CALHM6: variants seen among roughly 807,000 people sequenced by gnomAD.
CALHM6 encodes calcium homeostasis modulator protein 6.
In CALHM6, 15 loss-of-function variants were observed where a neutral mutation model predicts 12.7. The observed-to-expected ratio is 1.18, with a 90% CI of 0.79 to 1.82. The LOEUF (loss-of-function observed/expected upper bound fraction) is 1.82, where lower values mean the gene tolerates loss of function less well. CALHM6 is among the 40% of genes most tolerant of loss of function. CALHM6 has a pLI of 0.00. For missense variants in CALHM6, 434 were observed against 421.0 expected (o/e 1.03, Z -0.27); for synonymous variants, 212 against 193.7 (o/e 1.09, Z -0.78).
In CALHM6 at chr6:116,461,916, G is replaced by T; in HGVS notation, c.-14G>T. 1 of 1,486,294 alleles carries T rather than the reference G, an allele frequency of 6.7e-7. No individual in the cohort carries two copies. The highest frequency in any genetic ancestry group is 9.0e-7 in the Non-Finnish European group (1 of 1,111,214). The allele number at this position is 1,486,294 out of a possible 1,614,324, so 92.1% of individuals were successfully genotyped here. On this transcript the variant is annotated 5_prime_UTR_variant, in exon 2 of 3. Coordinates refer to ENST00000368605, the MANE Select transcript of CALHM6 (RefSeq NM_001010919.3). The stretch of plus-strand genomic sequence containing the variant: ...GATCTGGGCCTGTGCGCGACGCCCC[G>T]GGGGACGAGGCTCATGGAGAAGTTT...
In CALHM6 at chr6:116,463,306, AGTT is replaced by A. The variant is rs1180451381; in HGVS notation, c.553_555del (p.Val185del). The A allele has an allele frequency of 6.2e-7, 1 of 1,613,612 alleles. No individual in the cohort carries two copies. The highest frequency in any genetic ancestry group is 1.3e-5 in the African/African-American group (1 of 75,016). The stretch of plus-strand genomic sequence containing the variant: ...AGGTGTTGGGCTGGATCTTGATAGC[AGTT>A]GTTATCATCATTCTTCTGATTTTTA... On this transcript the variant is annotated inframe_deletion, in exon 3 of 3. Transcript: ENST00000368605.
intron 1 of CALHM6, 79 bp from the exon 2 acceptor site, chr6:116,461,793 A>T (rs1172031045): frequency 1.1e-4 from 51 of 464,002 alleles, no homozygotes; most frequent in East Asian, 3.4e-4. Context: ...TCTTCCCTTT[A>T]AAAAAAAAAA....
At chr6:116,462,576 G>C (rs991902366) in intron 2 of CALHM6, 122 bp downstream of exon 2, 1 of 585,598 alleles carries the variant, frequency 1.7e-6, no homozygotes, top group Non-Finnish European at 2.8e-6. Context: ...AGAAAATCTA[G>C]AATGGCTCCT....
rs1784787641 is a variant in CALHM6 at position 116,462,169 on chromosome 6, A to T, written c.240A>T (p.Gly80=). ...CACGCACGTGGCGCCTGCTCACCGG[A>T]TGCTGCTCCAGCGCCCGCGCGAGTT... is the stretch of plus-strand genomic sequence containing the variant. ...LSARTWRLLT[G]CCSSARASCG... is the part of the protein sequence containing the mutation. Residue 80 remains glycine (G), a synonymous_variant, in exon 2 of 3, where the codon GGA becomes GGT. Transcript: ENST00000368605. 1 of 1,521,260 alleles carries T rather than the reference A, an allele frequency of 6.6e-7. No homozygotes were observed. The allele number at this position is 1,521,260 out of a possible 1,614,324, so 94.2% of individuals were successfully genotyped here.
chr6:116,461,462 T>G, intron 1 of CALHM6, 33 bp downstream of exon 1: 10 of 1,544,866 alleles, frequency 6.5e-6, no homozygotes, highest in Non-Finnish European at 8.8e-6. Context: ...ATTATTTGGT[T>G]TTACTGTGAT....
At chr6:116,462,509 A>T in intron 2 of CALHM6, 55 bp downstream of exon 2, 1 of 1,335,124 alleles carries the variant, frequency 7.5e-7, no homozygotes, top group Middle Eastern at 1.9e-4. Flanking sequence ...GAGCTTTCTC[A>T]GGGCCGCTGG....
chr6:116,462,504 T>C, intron 2 of CALHM6, 50 bp downstream of exon 2: 2 of 1,361,588 alleles, frequency 1.5e-6, no homozygotes, highest in Non-Finnish European at 2.0e-6. Flanking sequence ...AGGCCGAGCT[T>C]TCTCAGGGCC....
At position 116,461,982 on chromosome 6, in the gene CALHM6, TGGGCTAC is replaced by T. The variant is rs1432767387; in HGVS notation, c.56_62del (p.Gly19AlafsTer3). 6.5e-7 allele frequency: 1 copy of T among 1,547,342 alleles called. No individual in the cohort carries two copies. Among genetic ancestry groups the T allele is most frequent in the African/African-American group, 1.4e-5 (1 of 72,736 alleles). On this transcript the variant is annotated frameshift_variant, in exon 2 of 3. Coordinates refer to ENST00000368605, the MANE Select transcript of CALHM6 (RefSeq NM_001010919.3). LOFTEE classifies it high-confidence loss of function. The stretch of plus-strand genomic sequence containing the variant: ...CTGCACGTCAAGCACCACAGCGCCT[TGGGCTAC>T]GGCCTGGTGACCCTGCTGACGGCGG...
chr6:116,461,792 T>TAAGAAAAA (rs1784773821), intron 1 of CALHM6, 80 bp from the exon 2 acceptor site: 6 of 747,366 alleles, frequency 8.0e-6, no homozygotes, highest in Non-Finnish European at 9.1e-6. Context: ...CTCTTCCCTT[T>TAAGAAAAA]AAAAAAAAAA....
rs369617107 is a variant in CALHM6, at chr6:116,463,573, C to G, written c.816C>G (p.Tyr272Ter). The G allele has an allele frequency of 4.3e-6, 7 of 1,614,052 alleles. No individual in the cohort carries two copies. Among genetic ancestry groups the G allele is most frequent in the Non-Finnish European group, 5.9e-6 (7 of 1,180,030 alleles). ...ATACTTTCAATCCGAAGGGCCAGTACTACAGCATGTTGCACAAATATGTCA... is the reference window on the plus strand; with the variant it reads ...ATACTTTCAATCCGAAGGGCCAGTAGTACAGCATGTTGCACAAATATGTCA... ...SLYTFNPKGQYYSMLHKYVNR... is the reference protein window; with the variant it reads ...SLYTFNPKGQ The change falls in exon 3 of 3, where the codon TAC (tyrosine) becomes TAG (stop). Residue 272 changes from tyrosine to a stop codon, truncating the protein, a stop_gained. Coordinates refer to ENST00000368605, the MANE Select transcript of CALHM6 (RefSeq NM_001010919.3). LOFTEE classifies it low-confidence loss of function (END_TRUNC).
At chr6:116,461,548 T>C (rs1583252130) in intron 1 of CALHM6, 119 bp downstream of exon 1, 4 of 958,674 alleles carry the variant, frequency 4.2e-6, no homozygotes, top group Admixed American at 4.1e-5. Flanking sequence ...CGGCCGTGGG[T>C]CAAGAAGGTT....
Position 116,461,397 on chromosome 6 carries a change from G to A in CALHM6, c.-91G>A. 1 of 1,550,314 alleles carries A rather than the reference G, an allele frequency of 6.5e-7. No homozygotes were observed. The highest frequency in any genetic ancestry group is 1.2e-5 in the South Asian group (1 of 84,040). ...TTTGCTGATTTAGCTTATGGAAGAG[G>A]AACCAGAAATTTGTCCTTGAATAAT... On this transcript the variant is annotated 5_prime_UTR_variant, in exon 1 of 3. Transcript: ENST00000368605.
Position 116,462,065 on chromosome 6 carries a change from G to T in CALHM6, c.136G>T (p.Ala46Ser). ...GGCATTCCAGTGCCCGTGCAGCGCC[G>T]CCTGGAACCTGCCCTACGGCCTGGT... ...AVAFQCPCSA[A>S]WNLPYGLVFL... is the part of the protein sequence containing the mutation. Residue 46 changes from alanine to serine, a missense_variant, in exon 2 of 3, where the codon GCC becomes TCC. Physicochemically the swap from Ala to Ser is moderately conservative, Grantham distance 99. Coordinates refer to ENST00000368605, the MANE Select transcript of CALHM6 (RefSeq NM_001010919.3). The T allele has an allele frequency of 1.3e-6, 2 of 1,547,848 alleles. No individual in the cohort carries two copies. The highest frequency in any genetic ancestry group is 1.7e-6 in the Non-Finnish European group (2 of 1,146,434).
At position 116,462,250 on chromosome 6, in the gene CALHM6, G is replaced by A. The variant is rs1329383160; in HGVS notation, c.321G>A (p.Ala107=). ...GCACGCAAATCAGCGCGGCCGCCGC[G>A]CTCGCGCCCCTCACCTGGGTGGCCG... ...LVCTQISAAA[A]LAPLTWVAVA... Residue 107 remains alanine, a synonymous_variant, in exon 2 of 3, where the codon GCG becomes GCA. Coordinates refer to ENST00000368605, the MANE Select transcript of CALHM6 (RefSeq NM_001010919.3). The A allele has an allele frequency of 1.5e-6, 2 of 1,373,608 alleles. No individual in the cohort carries two copies. The highest frequency in any genetic ancestry group is 9.3e-7 in the Non-Finnish European group (1 of 1,069,994). The allele number at this position is 1,373,608 out of a possible 1,614,324, so 85.1% of individuals were successfully genotyped here. A position where few individuals can be genotyped will look rare whatever the true frequency, so the allele number is the denominator to read the frequency against.
chr6:116,461,781 C>T (rs1784773324), intron 1 of CALHM6, 91 bp from the exon 2 acceptor site: 3 of 959,954 alleles, frequency 3.1e-6, no homozygotes, highest in East Asian at 3.0e-5. Context: ...TCTGAGAAGC[C>T]CTCTTCCCTT....
At position 116,463,534 on chromosome 6, in the gene CALHM6, A is replaced by G; in HGVS notation, c.777A>G (p.Gln259=). 3.7e-6 allele frequency: 6 copies of G among 1,614,142 alleles called. No individual in the cohort carries two copies. In the South Asian group the frequency reaches 6.6e-5, roughly 18 times the overall value. Residue 259 remains glutamine, a synonymous_variant, in exon 3 of 3, where the codon CAA becomes CAG. Transcript: ENST00000368605. Reference sequence around the variant, plus strand: ...CTCCAAGCATGAAAGAGTGGCAGCAAATTTCATCACTGTATACTTTCAATC... The same window carrying G: ...CTCCAAGCATGAAAGAGTGGCAGCAGATTTCATCACTGTATACTTTCAATC... ...YNTPSMKEWQ[Q]ISSLYTFNPK... is the part of the protein sequence containing the mutation.
rs891470152 is a variant in CALHM6, at chr6:116,462,434, G to T, written c.505G>T (p.Asp169Tyr). 1.3e-6 allele frequency: 2 copies of T among 1,501,874 alleles called. No individual in the cohort carries two copies. The highest frequency in any genetic ancestry group is 2.0e-4 in the Middle Eastern group (1 of 5,032). 93.0% of individuals were successfully genotyped at this position (1,501,874 alleles called of 1,614,324 possible). A position where few individuals can be genotyped will look rare whatever the true frequency, so the allele number is the denominator to read the frequency against. ...GTCGGACGTGCAGGACCTCCTGAAG[G>T]ATCTGAAGGCTCAGTCGCAGGTCTG... is the stretch of plus-strand genomic sequence containing the variant. ...KASDVQDLLK[D>Y]LKAQSQVLGW... Residue 169 changes from aspartate to tyrosine, a missense_variant, in exon 2 of 3, where the codon GAT (aspartate) becomes TAT (tyrosine). Asp to Tyr is a radical substitution (Grantham distance 160, BLOSUM62 -3). Transcript: ENST00000368605.
Position 116,463,675 on chromosome 6 carries a change from A to G in CALHM6, c.918A>G (p.Ser306=). 1 of 1,612,378 alleles carries G rather than the reference A, an allele frequency of 6.2e-7. No individual in the cohort carries two copies. The highest frequency in any genetic ancestry group is 8.5e-7 in the Non-Finnish European group (1 of 1,179,258). The change falls in exon 3 of 3, where the codon TCA becomes TCG. Residue 306 remains serine, a synonymous_variant. Transcript: ENST00000368605. The part of the protein sequence containing the change: ...TVIPVLGFVD[S]SGINSTPEL ...TTCCTGTTCTTGGCTTTGTAGATTC[A>G]TCTGGTATAAACAGCACTCCTGAGT... is the stretch of plus-strand genomic sequence containing the variant.
chr6:116,463,131 A>C (rs1309113463), intron 2 of CALHM6, 152 bp from the exon 3 acceptor site: 1 of 717,356 alleles, frequency 1.4e-6, no homozygotes, highest in African/African-American at 1.8e-5. Context: ...TAGGGAGGTT[A>C]CTGCGACACC....
Sources: allele counts gnomAD v4.1 joint callset, GRCh38; gene constraint gnomAD v4.1.1; transcripts MANE v1.5; gene names NCBI Gene and HGNC (gene_info 2026-07-23, HGNC 2026-07-21).